MYT1L: variants seen among roughly 807,000 people sequenced by gnomAD.
MYT1L encodes myelin transcription factor 1-like protein.
Under a neutral mutation model 126.7 loss-of-function variants are expected in MYT1L, and 12 were observed. The observed-to-expected ratio is 0.09, with a 90% CI of 0.06 to 0.15. The LOEUF is 0.15. Among genes scored for constraint, MYT1L ranks in the 10% least tolerant of loss-of-function variants. The probability of loss-of-function intolerance (pLI) is 1.00; values close to 1 mark genes in which losing one functional copy is unlikely to be tolerated. For missense variants in MYT1L, 979 were observed against 1,585.2 expected (o/e 0.62, Z 6.49); for synonymous variants, 541 against 604.2 (o/e 0.90, Z 1.53).
At chr2:2,219,827 T>C (rs1011274930) in intron 2 of MYT1L, among the ~76,000 whole-genome samples, 1 of 152,188 alleles carries the variant, frequency 6.6e-6, no homozygotes, top group Admixed American at 6.5e-5. Flanking sequence ...TGTACTCTTA[T>C]GGCAGAACTG....
chr2:1,938,675 C>A (rs1377190840), intron 9 of MYT1L, among the ~76,000 whole-genome samples: 5 of 152,134 alleles, frequency 3.3e-5, no homozygotes, highest in Non-Finnish European at 2.9e-5. Context: ...ATAATATAAT[C>A]TTAATTAGCC....
chr2:1,898,005 T>C (rs908824994), intron 14 of MYT1L, among the ~76,000 whole-genome samples: 1 of 152,216 alleles, frequency 6.6e-6, no homozygotes, highest in Non-Finnish European at 1.5e-5. Context: ...ATTTGTGTGA[T>C]TAAATACAGC....
At chr2:1,927,415 A>T (rs1314941946) in intron 9 of MYT1L, among the ~76,000 whole-genome samples, 1 of 152,260 alleles carries the variant, frequency 6.6e-6, no homozygotes, top group Admixed American at 6.5e-5. Context: ...AAATGAAAAC[A>T]TCTTCTTAAA....
At position 1,839,336 on chromosome 2, in the gene MYT1L, T is replaced by C. The variant is rs2041336526; in HGVS notation, c.2893A>G (p.Ile965Val). 1.9e-6 allele frequency: 3 copies of C among 1,613,370 alleles called. No homozygotes were observed. Among genetic ancestry groups the C allele is most frequent in the Non-Finnish European group, 2.5e-6 (3 of 1,179,848 alleles). ...PVPGCDGQGHITGKYASHRSA... is the reference protein window; with the variant it reads ...PVPGCDGQGHVTGKYASHRSA... ...CGATGGGACGCGTACTTCCCAGTGATGTGGCCCTGGCCGTCGCACCCGGGG... is the reference window on the plus strand; with the variant it reads ...CGATGGGACGCGTACTTCCCAGTGACGTGGCCCTGGCCGTCGCACCCGGGG... Residue 965 changes from isoleucine (I) to valine (V), a missense_variant, in exon 21 of 25, where the codon ATC (isoleucine) becomes GTC (valine). Physicochemically the swap from Ile to Val is conservative, Grantham distance 29. Coordinates refer to ENST00000647738, the MANE Select transcript of MYT1L (RefSeq NM_001303052.2).
intron 2 of MYT1L, among the ~76,000 whole-genome samples, chr2:2,284,069 T>C (rs930644302): frequency 7.9e-5 from 12 of 152,154 alleles, no homozygotes; most frequent in Admixed American, 5.9e-4. Context: ...ACAAGAAGAA[T>C]TAGGAAATTA....
At chr2:2,004,272 G>T (rs113085962) in intron 4 of MYT1L, among the ~76,000 whole-genome samples, 4,048 of 36,420 alleles carry the variant, frequency 0.11, 835 homozygotes, top group African/African-American at 0.36. Flanking sequence ...CTTTCCTGCA[G>T]GCGTTCTTTC....
intron 8 of MYT1L, among the ~76,000 whole-genome samples, chr2:1,961,404 C>T (rs961467496): frequency 1.3e-5 from 2 of 152,244 alleles, no homozygotes; most frequent in African/African-American, 4.8e-5. Flanking sequence ...CATTCCCAGG[C>T]ATGCAAGATC....
At chr2:2,322,922 T>C (rs995848965) in intron 1 of MYT1L, among the ~76,000 whole-genome samples, 3 of 152,214 alleles carry the variant, frequency 2.0e-5, no homozygotes, top group African/African-American at 7.2e-5. Flanking sequence ...TTGAGTTAAA[T>C]TTTTAAAAAC....
At chr2:1,876,466 G>A (rs2046924494) in intron 18 of MYT1L, among the ~76,000 whole-genome samples, 1 of 151,834 alleles carries the variant, frequency 6.6e-6, no homozygotes, top group Non-Finnish European at 1.5e-5. Flanking sequence ...TCTCCACACA[G>A]CTCCTGCAGG....
intron 4 of MYT1L, among the ~76,000 whole-genome samples, chr2:2,014,045 T>G (rs1420750720): frequency 6.6e-6 from 1 of 152,238 alleles, no homozygotes; most frequent in African/African-American, 2.4e-5. Context: ...CCAATTTGCC[T>G]AGTAAATAAC....
chr2:1,837,312 A>C (rs1237445086), intron 21 of MYT1L, among the ~76,000 whole-genome samples: 4 of 152,224 alleles, frequency 2.6e-5, no homozygotes, highest in African/African-American at 9.6e-5. Context: ...TGGAGTGCAG[A>C]AATGCTCACG....
At chr2:2,163,239 T>C (rs887826630) in intron 3 of MYT1L, among the ~76,000 whole-genome samples, 1 of 152,080 alleles carries the variant, frequency 6.6e-6, no homozygotes, top group African/African-American at 2.4e-5. Flanking sequence ...TGATCTCTGT[T>C]CGAGACCCGA....
intron 21 of MYT1L, among the ~76,000 whole-genome samples, chr2:1,815,925 G>A (rs1375475031): frequency 1.3e-5 from 2 of 152,244 alleles, no homozygotes; most frequent in African/African-American, 4.8e-5. Context: ...GAGAAACTCC[G>A]TGGCTCCCTG....
intron 21 of MYT1L, among the ~76,000 whole-genome samples, chr2:1,818,765 T>A (rs1468139581): frequency 6.6e-6 from 1 of 152,142 alleles, no homozygotes; most frequent in Admixed American, 6.5e-5. Flanking sequence ...TCTGCTTCCA[T>A]CTCAGTGGGA....
In MYT1L at chr2:2,056,451, G is replaced by T. The variant is rs77424291; in HGVS notation, c.-303-2328C>A. On this transcript the variant is annotated intron_variant, in intron 3 of 24. Coordinates refer to ENST00000647738, the MANE Select transcript of MYT1L (RefSeq NM_001303052.2). ...AATGAACTATAGGCTAAATGCCCTT[G>T]CAGGGTATATGATGCTGCTGCTTAC... Among the ~76,000 whole-genome samples, 1,207 of 152,330 alleles carry T rather than the reference G, an allele frequency of 7.9e-3. 21 individuals carry two copies. Among genetic ancestry groups the T allele is most frequent in the African/African-American group, 0.028 (1,160 of 41,574 alleles).
chr2:2,100,919 T>C (rs2077992838), intron 3 of MYT1L, among the ~76,000 whole-genome samples: 1 of 152,196 alleles, frequency 6.6e-6, no homozygotes, highest in South Asian at 2.1e-4. Flanking sequence ...TAAAAATAAG[T>C]AGAATAGCAC....
At chr2:1,941,747 ATATC>A (rs1479379790) in intron 9 of MYT1L, among the ~76,000 whole-genome samples, 21 of 152,312 alleles carry the variant, frequency 1.4e-4, no homozygotes, top group South Asian at 2.1e-4. Context: ...GTATATATAC[ATATC>A]TATCTATGTT....
rs1243721109 is a variant in MYT1L, at chr2:1,903,292, G to A, written c.1820C>T (p.Pro607Leu). The change falls in exon 14 of 25, where the codon CCA becomes CTA. Residue 607 changes from proline (P) to leucine (L), a missense_variant and splice_region_variant. By Grantham distance (98) the Pro-to-Leu change is moderately conservative. Around this residue, in one of 12 missense-constraint regions of MYT1L, gnomAD observed 82 missense variants for 177.2 expected, o/e 0.46. Transcript: ENST00000647738. The stretch of plus-strand genomic sequence containing the variant: ...CTCCAGCTGCTTCACAAAGCACATT[G>A]GCCTGGAAGTAAACAAGAAAACAAA... ...SSQASDRVLR[P>L]MCFVKQLEIP... The A allele has an allele frequency of 6.2e-7, 1 of 1,610,818 alleles. No individual in the cohort carries two copies. The highest frequency in any genetic ancestry group is 8.5e-7 in the Non-Finnish European group (1 of 1,178,208).
chr2:2,192,955 G>C (rs544154389), intron 2 of MYT1L, among the ~76,000 whole-genome samples: 1 of 152,160 alleles, frequency 6.6e-6, no homozygotes, highest in South Asian at 2.1e-4. Context: ...ATACTCCCTG[G>C]CTCTTCAGGT....
Sources: gnomAD v4.1 joint callset for allele counts (sites outside exome capture counted in the v4.1 genomes callset) on GRCh38, gnomAD v4.1.1 for gene constraint, gnomAD v4.1.1 regional missense constraint, MANE v1.5 for transcripts, NCBI Gene and HGNC (gene_info 2026-07-23, HGNC 2026-07-21) for gene names.